Variants in PTER observed in about 807,000 individuals in gnomAD.
The protein encoded by PTER is N-acetyltaurine hydrolase.
PTER carries 38 observed loss-of-function variants against 29.6 expected under a neutral mutation model. The ratio of observed to expected loss-of-function variants is 1.28; its 90% CI spans 0.99 to 1.68. The LOEUF (loss-of-function observed/expected upper bound fraction) is 1.68, where lower values mean the gene tolerates loss of function less well. PTER is among the 40% of genes most tolerant of loss of function. The pLI is 0.00. For missense variants in PTER, 482 were observed against 427.8 expected (o/e 1.13, Z -1.12); for synonymous variants, 172 against 154.5 (o/e 1.11, Z -0.84).
intron 4 of PTER, among the ~76,000 whole-genome samples, chr10:16,510,436 A>T (rs1350673457): frequency 6.6e-6 from 1 of 152,212 alleles, no homozygotes; most frequent in East Asian, 1.9e-4. Flanking sequence ...ACTAAATCAA[A>T]ATTGCCATAG....
At chr10:16,470,794 T>A (rs769630685) in intron 1 of PTER, among the ~76,000 whole-genome samples, 2 of 152,114 alleles carry the variant, frequency 1.3e-5, no homozygotes, top group African/African-American at 2.4e-5. Context: ...ATTCTTCTTA[T>A]GGTTCTGTTC....
chr10:16,444,918 G>T (rs1239219651), intron 1 of PTER, among the ~76,000 whole-genome samples: 2 of 152,136 alleles, frequency 1.3e-5, no homozygotes, highest in African/African-American at 4.8e-5. Context: ...GGGTATGTAA[G>T]AGTATATAAG....
chr10:16,451,449 C>CT (rs543556227), intron 1 of PTER, among the ~76,000 whole-genome samples: 197 of 152,320 alleles, frequency 1.3e-3, no homozygotes, highest in African/African-American at 4.4e-3. Context: ...TGGCTCACGC[C>CT]TGTAGTCCTA....
intron 1 of PTER, among the ~76,000 whole-genome samples, chr10:16,481,643 T>C (rs1033725213): frequency 6.6e-6 from 1 of 151,752 alleles, no homozygotes; most frequent in Non-Finnish European, 1.5e-5. Context: ...TGACATTTCT[T>C]AAGTGATTTT....
At chr10:16,445,814 G>T (rs1010740443) in intron 1 of PTER, among the ~76,000 whole-genome samples, 14 of 152,108 alleles carry the variant, frequency 9.2e-5, no homozygotes, top group Non-Finnish European at 2.1e-4. Context: ...GCTGTCTCCT[G>T]GGTGGTCTTC....
At chr10:16,490,780 C>G (rs1041748761) in intron 3 of PTER, among the ~76,000 whole-genome samples, 5 of 151,196 alleles carry the variant, frequency 3.3e-5, no homozygotes, top group African/African-American at 9.7e-5. Flanking sequence ...TACAGTTAGA[C>G]ATGTATGTAA....
Position 16,501,581 on chromosome 10 carries a change from C to T in PTER, c.699-3439C>T, listed in dbSNP as rs368396333. The stretch of plus-strand genomic sequence containing the variant: ...CCTTTCTGGGATTTTCACTTTCTTC[C>T]CCCCATACTACCCTTTGATGGTAAA... On this transcript the variant is annotated intron_variant, in intron 3 of 4. Transcript: ENST00000535784. 1.8e-4 allele frequency among the ~76,000 whole-genome samples: 28 copies of T among 152,232 alleles called. No homozygotes were observed. In the East Asian group the frequency reaches 1.9e-3, roughly 10 times the overall value.
At chr10:16,463,525 C>T (rs936108775) in intron 1 of PTER, among the ~76,000 whole-genome samples, 2 of 152,188 alleles carry the variant, frequency 1.3e-5, no homozygotes, top group African/African-American at 2.4e-5. Context: ...AAGCAATTCT[C>T]CTGCCTCAGC....
At chr10:16,457,433 T>A (rs1203912781) in intron 1 of PTER, among the ~76,000 whole-genome samples, 2 of 152,122 alleles carry the variant, frequency 1.3e-5, no homozygotes, top group African/African-American at 4.8e-5. Context: ...CACGATGGTC[T>A]CGATCTCCTG....
intron 1 of PTER, among the ~76,000 whole-genome samples, chr10:16,480,243 G>A (rs1326908380): frequency 1.3e-5 from 2 of 148,418 alleles, no homozygotes; most frequent in Non-Finnish European, 3.0e-5. Flanking sequence ...AGGCTAGAGT[G>A]CAGTGGCGCA....
intron 1 of PTER, among the ~76,000 whole-genome samples, chr10:16,454,500 C>T (rs961723798): frequency 2.0e-5 from 3 of 151,586 alleles, no homozygotes; most frequent in Admixed American, 6.6e-5. Context: ...TGCTTGAACC[C>T]GGGAGGCAGA....
intron 1 of PTER, among the ~76,000 whole-genome samples, chr10:16,482,175 C>T (rs560637974): frequency 1.3e-5 from 2 of 152,278 alleles, no homozygotes; most frequent in African/African-American, 4.8e-5. Context: ...AGTCTAAATC[C>T]ATCATTTATG....
At chr10:16,462,852 T>C (rs1303485918) in intron 1 of PTER, among the ~76,000 whole-genome samples, 1 of 150,348 alleles carries the variant, frequency 6.7e-6, no homozygotes, top group African/African-American at 2.4e-5. Context: ...ATTACAGGCA[T>C]GAGCCACCAT....
rs554961501 is a variant in PTER, at chr10:16,446,001, C to T, written c.-49+8954C>T. On this transcript the variant is annotated intron_variant, in intron 1 of 4. Transcript: ENST00000535784. ...CTTTGGTGCTGCTTTGAGCTTGCCC[C>T]GTTATCATTTAGTAAAGTGCATCTT... Among the ~76,000 whole-genome samples the T allele has an allele frequency of 5.9e-5, 9 of 152,226 alleles. No individual in the cohort carries two copies. The South Asian group carries it at 1.5e-3, about 25-fold the overall frequency.
At chr10:16,449,562 C>T (rs117325302) in intron 1 of PTER, among the ~76,000 whole-genome samples, 1,710 of 151,808 alleles carry the variant, frequency 0.011, 19 homozygotes, top group Non-Finnish European at 0.02. Context: ...ACAATGCCCA[C>T]CTTGTCTTTG....
chr10:16,454,311 A>C (rs1360107589), intron 1 of PTER, among the ~76,000 whole-genome samples: 2 of 152,194 alleles, frequency 1.3e-5, no homozygotes, highest in Non-Finnish European at 2.9e-5. Flanking sequence ...ACGGTGGCTC[A>C]CGCCTGTAAT....
chr10:16,474,882 A>G (rs1318205733), intron 1 of PTER, among the ~76,000 whole-genome samples: 3 of 152,142 alleles, frequency 2.0e-5, no homozygotes. Flanking sequence ...GTGAGACTCC[A>G]TCTCAAAAAA....
intron 1 of PTER, among the ~76,000 whole-genome samples, chr10:16,466,409 G>T (rs1198071176): frequency 6.6e-6 from 1 of 151,970 alleles, no homozygotes; most frequent in Non-Finnish European, 1.5e-5. Flanking sequence ...AGGTTGCAGT[G>T]CAGTGGCACC....
At chr10:16,494,189 G>T (rs1041335857) in intron 3 of PTER, among the ~76,000 whole-genome samples, 22 of 152,284 alleles carry the variant, frequency 1.4e-4, no homozygotes, top group African/African-American at 5.1e-4. Flanking sequence ...ATGGTAAAAA[G>T]CTCTTCCTGG....
Sources: allele counts gnomAD v4.1 joint callset (sites outside exome capture counted in the v4.1 genomes callset), GRCh38; gene constraint gnomAD v4.1.1; transcripts MANE v1.5; gene names NCBI Gene and HGNC (gene_info 2026-07-23, HGNC 2026-07-21).